TRDMT1: variants seen among roughly 807,000 people sequenced by gnomAD.
The protein encoded by TRDMT1 is tRNA aspartic acid methyltransferase 1.
A neutral mutation model predicts 51.2 loss-of-function variants in TRDMT1; 49 were observed. The observed-to-expected ratio is 0.96, with a 90% confidence interval of 0.76 to 1.21. The LOEUF (loss-of-function observed/expected upper bound fraction) is 1.21, where lower values mean the gene tolerates loss of function less well. TRDMT1 is among the 50% of genes most tolerant of loss of function. The probability of loss-of-function intolerance (pLI) is 0.00; values close to 1 mark genes in which losing one functional copy is unlikely to be tolerated. For synonymous variants in TRDMT1, 187 were observed against 164.6 expected (o/e 1.14, Z -1.04); for missense variants, 534 against 462.3 (o/e 1.16, Z -1.42).
At chr10:17,196,818 G>A (rs975203868) in intron 1 of TRDMT1, among the ~76,000 whole-genome samples, 1 of 152,140 alleles carries the variant, frequency 6.6e-6, no homozygotes, top group Non-Finnish European at 1.5e-5. Flanking sequence ...CACATGATAA[G>A]ACCTCAGTTT....
rs192723550 is a variant in TRDMT1, at chr10:17,194,698, C to T, written c.64+6873G>A. Among the ~76,000 whole-genome samples, 302 of 152,132 alleles carry T rather than the reference C, an allele frequency of 2.0e-3. 1 individual carries two copies. Among genetic ancestry groups the T allele is most frequent in the African/African-American group, 5.8e-3 (239 of 41,516 alleles). ...CTGTAATCCCAGCACTTTGGGAGAA[C>T]GAGGCAGGTGGATTGCTTGGGATCA... On this transcript the variant is annotated intron_variant, in intron 1 of 10. Coordinates refer to ENST00000377799, the MANE Select transcript of TRDMT1 (RefSeq NM_004412.7).
At chr10:17,175,339 CTGG>C (rs1267392052) in intron 1 of TRDMT1, among the ~76,000 whole-genome samples, 1 of 152,172 alleles carries the variant, frequency 6.6e-6, no homozygotes, top group Non-Finnish European at 1.5e-5. Flanking sequence ...TTCTGTCTTG[CTGG>C]TGAAGAAAAC....
chr10:17,146,385 C>T lies in TRDMT1; in HGVS notation c.*2655G>A, dbSNP rs1343064193. 8.1e-6 allele frequency: 8 copies of T among 985,278 alleles called. No homozygotes were observed. The East Asian group carries it at 4.5e-4, about 56-fold the overall frequency. 61.0% of individuals were successfully genotyped at this position (985,278 alleles called of 1,614,324 possible). A position where few individuals can be genotyped will look rare whatever the true frequency, so the allele number is the denominator to read the frequency against. ...CCAGGGTCCTCTGTGAAGGTGATGC[C>T]ATCATTCCTCTTTCTTGCCTGCCAC... is the stretch of plus-strand genomic sequence containing the variant. On this transcript the variant is annotated 3_prime_UTR_variant, in exon 11 of 11. Coordinates refer to ENST00000377799, the MANE Select transcript of TRDMT1 (RefSeq NM_004412.7).
chr10:17,163,546 A>G (rs1840724934), intron 3 of TRDMT1, among the ~76,000 whole-genome samples: 1 of 152,296 alleles, frequency 6.6e-6, no homozygotes, highest in East Asian at 1.9e-4. Context: ...GGAAATAGAG[A>G]CACAAAAAAC....
intron 8 of TRDMT1, among the ~76,000 whole-genome samples, chr10:17,154,983 G>A (rs886418362): frequency 1.4e-5 from 2 of 143,328 alleles, no homozygotes; most frequent in Admixed American, 7.1e-5. Context: ...ACTTTGGGAG[G>A]CCCAGGCGGG....
intron 1 of TRDMT1, 139 bp downstream of exon 1, chr10:17,201,432 G>GGACAAC: frequency 1.3e-6 from 1 of 792,804 alleles, no homozygotes; most frequent in Non-Finnish European, 1.9e-6. Context: ...GCTGTTTCCA[G>GGACAAC]GACAACCGAG....
At chr10:17,201,479 C>G (rs1440362086) in intron 1 of TRDMT1, 92 bp downstream of exon 1, 1 of 1,372,150 alleles carries the variant, frequency 7.3e-7, no homozygotes, top group Non-Finnish European at 1.0e-6. Flanking sequence ...GTGTCCGCCC[C>G]TTGCGTCTCG....
chr10:17,143,036 T>A lies in TRDMT1; in HGVS notation c.*6004A>T, dbSNP rs1310080457. The A allele has an allele frequency of 6.2e-5, 61 of 985,308 alleles. No homozygotes were observed. Among genetic ancestry groups the A allele is most frequent in the Non-Finnish European group, 6.9e-5 (57 of 829,934 alleles). 61.0% of individuals were successfully genotyped at this position (985,308 alleles called of 1,614,324 possible). ...CTACTTTCCAAAAGCCAAAAGCCTA[T>A]CCCAGAATTATTTTTTAAATCATGT... On this transcript the variant is annotated 3_prime_UTR_variant, in exon 11 of 11. Transcript: ENST00000377799.
intron 6 of TRDMT1, among the ~76,000 whole-genome samples, chr10:17,159,538 A>G (rs1039407664): frequency 3.9e-5 from 6 of 152,190 alleles, no homozygotes; most frequent in African/African-American, 1.4e-4. Flanking sequence ...TATTGATAAT[A>G]TATTAATAAT....
chr10:17,199,992 C>T (rs929067352), intron 1 of TRDMT1, among the ~76,000 whole-genome samples: 5 of 152,308 alleles, frequency 3.3e-5, no homozygotes, highest in Non-Finnish European at 5.9e-5. Context: ...ATACATATCC[C>T]TGATGAATAT....
rs778926851 is a variant in TRDMT1, at chr10:17,157,563, A to T, written c.765T>A (p.Asp255Glu). 6 of 1,614,066 alleles carry T rather than the reference A, an allele frequency of 3.7e-6. No homozygotes were observed. Among genetic ancestry groups the T allele is most frequent in the Non-Finnish European group, 4.2e-6 (5 of 1,179,974 alleles). ...DSDLSVKMLK[D>E]FLEDDTDVNQ... The stretch of plus-strand genomic sequence containing the variant: ...TCACGTCAGTGTCATCTTCAAGAAA[A>T]TCTTTTAGCATTTTCACAGAGAGAT... Residue 255 changes from aspartate to glutamate, a missense_variant, in exon 8 of 11, where the codon GAT becomes GAA. Coordinates refer to ENST00000377799, the MANE Select transcript of TRDMT1 (RefSeq NM_004412.7).
At chr10:17,196,251 C>G (rs1373709105) in intron 1 of TRDMT1, among the ~76,000 whole-genome samples, 1 of 152,176 alleles carries the variant, frequency 6.6e-6, no homozygotes, top group African/African-American at 2.4e-5. Flanking sequence ...TGGGGTAAAA[C>G]TCAAAGCCAA....
Position 17,148,633 on chromosome 10 carries a change from G to A in TRDMT1, c.*407C>T. On this transcript the variant is annotated 3_prime_UTR_variant, in exon 11 of 11. Coordinates refer to ENST00000377799, the MANE Select transcript of TRDMT1 (RefSeq NM_004412.7). ...TAAAACATTCAATGGGCTAGAATTA[G>A]AATCATTATTTTAAAATTAGAAATA... The A allele has an allele frequency of 3.1e-6, 3 of 967,306 alleles. No individual in the cohort carries two copies. The highest frequency in any genetic ancestry group is 3.7e-6 in the Non-Finnish European group (3 of 813,488). The allele number at this position is 967,306 out of a possible 1,614,324, so 59.9% of individuals were successfully genotyped here. A position where few individuals can be genotyped will look rare whatever the true frequency, so the allele number is the denominator to read the frequency against.
chr10:17,196,117 G>A (rs1397357514), intron 1 of TRDMT1, among the ~76,000 whole-genome samples: 3 of 152,298 alleles, frequency 2.0e-5, no homozygotes, highest in South Asian at 2.1e-4. Context: ...CATGTAAGTC[G>A]TTGAGGAACA....
chr10:17,177,180 T>TTTTTTATTTTATTTATTTATTTA, intron 1 of TRDMT1, among the ~76,000 whole-genome samples: 1 of 141,542 alleles, frequency 7.1e-6, no homozygotes, highest in East Asian at 2.0e-4. Context: ...AACACATTTA[T>TTTTTTATTTTATTTATTTATTTA]TTTATTTATT....
chr10:17,192,704 G>T (rs1844852293), intron 1 of TRDMT1, among the ~76,000 whole-genome samples: 2 of 152,122 alleles, frequency 1.3e-5, no homozygotes, highest in African/African-American at 4.8e-5. Flanking sequence ...CTCAAAACCT[G>T]ATACATTTCA....
Position 17,146,230 on chromosome 10 carries a change from T to G in TRDMT1, c.*2810A>C. On this transcript the variant is annotated 3_prime_UTR_variant, in exon 11 of 11. Coordinates refer to ENST00000377799, the MANE Select transcript of TRDMT1 (RefSeq NM_004412.7). The stretch of plus-strand genomic sequence containing the variant: ...CTGTTCACAATTTCAACTACTGTTT[T>G]TGCCTCTTTAGAAGGCTCTCCTTTT... The G allele has an allele frequency of 7.1e-6, 7 of 985,482 alleles. No individual in the cohort carries two copies. The highest frequency in any genetic ancestry group is 8.4e-6 in the Non-Finnish European group (7 of 829,944). The allele number at this position is 985,482 out of a possible 1,614,324, so 61.0% of individuals were successfully genotyped here.
At position 17,142,881 on chromosome 10, in the gene TRDMT1, A is replaced by G. The variant is rs993457159; in HGVS notation, c.*6159T>C. 1.4e-6 allele frequency: 1 copy of G among 692,578 alleles called. No homozygotes were observed. The highest frequency in any genetic ancestry group is 6.3e-5 in the Admixed American group (1 of 15,916). 42.9% of individuals were successfully genotyped at this position (692,578 alleles called of 1,614,324 possible). On this transcript the variant is annotated 3_prime_UTR_variant, in exon 11 of 11. Transcript: ENST00000377799. Reference sequence around the variant, plus strand: ...GAATTCTCCTTCTGATTCCTCTTGCATTATTTTATAATTATACTTACCCAG... The same window carrying G: ...GAATTCTCCTTCTGATTCCTCTTGCGTTATTTTATAATTATACTTACCCAG...
chr10:17,143,002 T>G lies in TRDMT1; in HGVS notation c.*6038A>C. ...TCAGAATACAGTATTTTAAAAAGTT[T>G]TATTTGCGCTACTTTCCAAAAGCCA... is the stretch of plus-strand genomic sequence containing the variant. On this transcript the variant is annotated 3_prime_UTR_variant, in exon 11 of 11. Coordinates refer to ENST00000377799, the MANE Select transcript of TRDMT1 (RefSeq NM_004412.7). 1.0e-6 allele frequency: 1 copy of G among 985,478 alleles called. No individual in the cohort carries two copies. The highest frequency in any genetic ancestry group is 1.2e-6 in the Non-Finnish European group (1 of 829,940). The allele number at this position is 985,478 out of a possible 1,614,324, so 61.0% of individuals were successfully genotyped here.
Sources: gnomAD v4.1 joint callset for allele counts (sites outside exome capture counted in the v4.1 genomes callset) on GRCh38, gnomAD v4.1.1 for gene constraint, MANE v1.5 for transcripts, NCBI Gene and HGNC (gene_info 2026-07-23, HGNC 2026-07-21) for gene names.